Variants in UBL3 observed in about 807,000 individuals in gnomAD.
UBL3 encodes ubiquitin-like protein 3.
UBL3 carries 6 observed loss-of-function variants against 18.4 expected under a neutral mutation model. The ratio of observed to expected loss-of-function variants is 0.33; its 90% CI spans 0.18 to 0.64. The LOEUF (loss-of-function observed/expected upper bound fraction) is 0.64. Ranked by LOEUF, UBL3 falls within the 30% of genes least tolerant of loss-of-function variation. UBL3 has a pLI of 0.76. For synonymous variants in UBL3, 49 were observed against 46.6 expected (o/e 1.05, Z -0.21); for missense variants, 109 against 142.9 (o/e 0.76, Z 1.21).
chr13:29,773,654 G>A (rs746660865), intron 2 of UBL3, among the ~76,000 whole-genome samples: 2 of 152,028 alleles, frequency 1.3e-5, no homozygotes, highest in African/African-American at 4.8e-5. Context: ...TGATTTCCAC[G>A]TACTTCACTG....
chr13:29,815,834 G>A (rs1326453203), intron 1 of UBL3, among the ~76,000 whole-genome samples: 1 of 152,142 alleles, frequency 6.6e-6, no homozygotes, highest in African/African-American at 2.4e-5. Flanking sequence ...AACTCATACA[G>A]GTCTATCTTA....
intron 1 of UBL3, among the ~76,000 whole-genome samples, chr13:29,799,843 T>TA (rs1877713640): frequency 6.6e-6 from 1 of 152,198 alleles, no homozygotes; most frequent in Admixed American, 6.5e-5. Flanking sequence ...CCATGCAGTT[T>TA]ATCACCATTT....
At chr13:29,839,053 G>A (rs1879027705) in intron 1 of UBL3, among the ~76,000 whole-genome samples, 1 of 152,094 alleles carries the variant, frequency 6.6e-6, no homozygotes. Context: ...CCAAATATGA[G>A]GCACAATTTG....
intron 3 of UBL3, among the ~76,000 whole-genome samples, chr13:29,771,379 T>A (rs917142871): frequency 6.6e-6 from 1 of 152,120 alleles, no homozygotes; most frequent in Non-Finnish European, 1.5e-5. Context: ...AATATTGAGC[T>A]ACATTTCTCC....
chr13:29,782,399 A>C (rs1226891541), intron 1 of UBL3, among the ~76,000 whole-genome samples: 1 of 152,166 alleles, frequency 6.6e-6, no homozygotes, highest in African/African-American at 2.4e-5. Context: ...CTGATATTAC[A>C]CTTTCATATT....
intron 1 of UBL3, among the ~76,000 whole-genome samples, chr13:29,802,163 G>C (rs887682766): frequency 6.6e-6 from 1 of 152,178 alleles, no homozygotes; most frequent in African/African-American, 2.4e-5. Context: ...CCATCTACTG[G>C]ATCACAGCTT....
At chr13:29,846,421 C>T (rs1399988517) in intron 1 of UBL3, among the ~76,000 whole-genome samples, 2 of 152,084 alleles carry the variant, frequency 1.3e-5, no homozygotes, top group Non-Finnish European at 2.9e-5. Context: ...AATCCATTCA[C>T]TACGGGTGCC....
chr13:29,809,072 A>T lies in UBL3; in HGVS notation c.28-31809T>A, dbSNP rs189538622. Among the ~76,000 whole-genome samples the T allele has an allele frequency of 1.8e-4, 28 of 152,298 alleles. No individual in the cohort carries two copies. The Middle Eastern group carries it at 0.01, about 56-fold the overall frequency. Reference sequence around the variant, plus strand: ...AAAATTTTGAGCACCTACCCTAGACACCTACTGGGTACACATGATGTAAAA... The same window carrying T: ...AAAATTTTGAGCACCTACCCTAGACTCCTACTGGGTACACATGATGTAAAA... On this transcript the variant is annotated intron_variant, in intron 1 of 4. Coordinates refer to ENST00000380680, the MANE Select transcript of UBL3 (RefSeq NM_007106.4).
At chr13:29,777,780 T>G (rs984019286) in intron 1 of UBL3, among the ~76,000 whole-genome samples, 1 of 152,340 alleles carries the variant, frequency 6.6e-6, no homozygotes, top group African/African-American at 2.4e-5. Flanking sequence ...ATGTATGTTT[T>G]TTTGAGACAG....
At chr13:29,779,150 C>T in intron 1 of UBL3, 1 of 450,716 alleles carries the variant, frequency 2.2e-6, no homozygotes, top group Non-Finnish European at 4.4e-6. Context: ...GAAAGTACCA[C>T]CTTGTTTATT....
intron 2 of UBL3, among the ~76,000 whole-genome samples, 173 bp from the exon 3 acceptor site, chr13:29,772,371 T>C (rs1213007240): frequency 6.6e-6 from 1 of 152,112 alleles, no homozygotes; most frequent in African/African-American, 2.4e-5. Flanking sequence ...CCTTGGTTAT[T>C]ACTTATTCTT....
At chr13:29,835,130 AT>A (rs1566001065) in intron 1 of UBL3, among the ~76,000 whole-genome samples, 206 of 4,944 alleles carry the variant, frequency 0.042, 10 homozygotes, top group Non-Finnish European at 0.06. Flanking sequence ...ATATAAATAT[AT>A]ATATATATAT....
Position 29,850,178 on chromosome 13 carries a change from C to A in UBL3, c.-640G>T, listed in dbSNP as rs1024906603. On this transcript the variant is annotated 5_prime_UTR_variant, in exon 1 of 5. Transcript: ENST00000380680. ...GAAACCCGCGCTCAAGGGCATTTAA[C>A]TAGTTGGAAGCCAAAGCGAAAGACC... The A allele has an allele frequency of 2.0e-5, 3 of 152,628 alleles. No individual in the cohort carries two copies. Among genetic ancestry groups the A allele is most frequent in the Non-Finnish European group, 4.4e-5 (3 of 68,336 alleles). 9.5% of individuals were successfully genotyped at this position (152,628 alleles called of 1,614,324 possible). A position where few individuals can be genotyped will look rare whatever the true frequency, so the allele number is the denominator to read the frequency against.
At chr13:29,806,822 T>G (rs1204779495) in intron 1 of UBL3, among the ~76,000 whole-genome samples, 1 of 152,214 alleles carries the variant, frequency 6.6e-6, no homozygotes, top group African/African-American at 2.4e-5. Flanking sequence ...AACTCATAAT[T>G]CACTTTATTG....
intron 1 of UBL3, among the ~76,000 whole-genome samples, chr13:29,784,139 TTAGA>T (rs1400364281): frequency 6.6e-6 from 1 of 152,220 alleles, no homozygotes; most frequent in Non-Finnish European, 1.5e-5. Context: ...TTTCTATTTG[TTAGA>T]TAGTATCAAT....
intron 1 of UBL3, among the ~76,000 whole-genome samples, chr13:29,841,004 A>G (rs1879087258): frequency 6.6e-6 from 1 of 152,210 alleles, no homozygotes; most frequent in Non-Finnish European, 1.5e-5. Flanking sequence ...GCAGGATACA[A>G]AAGCAAGACT....
intron 1 of UBL3, among the ~76,000 whole-genome samples, chr13:29,815,086 C>T (rs1878233990): frequency 6.6e-6 from 1 of 152,104 alleles, no homozygotes; most frequent in Admixed American, 6.6e-5. Flanking sequence ...ACTATTAGTT[C>T]CCATCCCCTA....
At chr13:29,832,163 CCT>C (rs1421446841) in intron 1 of UBL3, among the ~76,000 whole-genome samples, 1 of 152,128 alleles carries the variant, frequency 6.6e-6, no homozygotes, top group African/African-American at 2.4e-5. Context: ...AAAGATGAGG[CCT>C]CTCTGCCCTC....
chr13:29,776,252 CTTTTCTTTCTT>C (rs975226315), intron 2 of UBL3, among the ~76,000 whole-genome samples: 1 of 112,510 alleles, frequency 8.9e-6, no homozygotes, highest in African/African-American at 3.3e-5. Context: ...TCTTTTTTTT[CTTTTCTTTCTT>C]TTTTTTTTTT....
Sources: allele counts gnomAD v4.1 joint callset (sites outside exome capture counted in the v4.1 genomes callset), GRCh38; gene constraint gnomAD v4.1.1; transcripts MANE v1.5; gene names NCBI Gene and HGNC (gene_info 2026-07-23, HGNC 2026-07-21).